The following PRCD variants were observed in gnomAD, a reference collection of about 807,000 sequenced individuals.
PRCD encodes the protein photoreceptor disk component PRCD.
A neutral mutation model predicts 10.1 loss-of-function variants in PRCD; 12 were observed. The ratio of observed to expected loss-of-function variants is 1.18; its 90% confidence interval spans 0.76 to 1.92. The LOEUF is 1.92. PRCD is among the 40% of genes most tolerant of loss of function. The pLI is 0.00. For missense variants in PRCD, 61 were observed against 72.2 expected (o/e 0.84, Z 0.56); for synonymous variants, 31 against 26.2 (o/e 1.18, Z -0.56).
Position 76,528,093 on chromosome 17 carries a change from G to A in PRCD, n.45+260G>A, listed in dbSNP as rs2074788522. Reference sequence around the variant, plus strand: ...CCAAACCGAGGCTTCTGGGCGCCGCGGATACACATTCTAGATATGTATGTG... The same window carrying A: ...CCAAACCGAGGCTTCTGGGCGCCGCAGATACACATTCTAGATATGTATGTG... On this transcript the variant is annotated intron_variant and non_coding_transcript_variant, in intron 1 of 4. Transcript: ENST00000397633. This position sits in a 1 kb window ranked among gnomAD's most constrained non-coding sequence, Gnocchi z 5.8. 1.0e-5 allele frequency: 4 copies of A among 383,400 alleles called. No homozygotes were observed. Among genetic ancestry groups the A allele is most frequent in the Non-Finnish European group, 1.9e-5 (4 of 208,742 alleles). 23.7% of individuals were successfully genotyped at this position (383,400 alleles called of 1,614,324 possible). A position where few individuals can be genotyped will look rare whatever the true frequency, so the allele number is the denominator to read the frequency against.
At chr17:76,551,430 T>C (rs2075107983) in intron 1 of PRCD, 1 of 152,196 alleles carries the variant, frequency 6.6e-6, no homozygotes, top group Admixed American at 6.5e-5. Flanking sequence ...AATGCATCGC[T>C]TTTTTTCCTG....
rs1003660366 is a variant in PRCD, at chr17:76,533,446, C to T, written n.45+5613C>T. On this transcript the variant is annotated intron_variant and non_coding_transcript_variant, in intron 1 of 4. Coordinates refer to the PRCD transcript ENST00000397633. This position sits in a 1 kb window ranked among gnomAD's most constrained non-coding sequence, Gnocchi z 4.5. ...TTGCAATAAAAAATAATGATATGGC[C>T]GGGCACGGTGGCTCACGCCTATAAT... 5.3e-5 allele frequency among the ~76,000 whole-genome samples: 8 copies of T among 152,304 alleles called. No individual in the cohort carries two copies. The South Asian group carries it at 6.2e-4, about 12-fold the overall frequency.
At chr17:76,532,083 T>C (rs1304757317) in intron 1 of PRCD, 1 of 174,136 alleles carries the variant, frequency 5.7e-6, no homozygotes, top group African/African-American at 2.4e-5. Flanking sequence ...TGGACTGAAA[T>C]TGTTCTGACT....
rs776386516 is a variant in PRCD, at chr17:76,540,192, C to A, written c.51C>A (p.Arg17=). 1.9e-6 allele frequency: 3 copies of A among 1,598,116 alleles called. No individual in the cohort carries two copies. In the South Asian group the frequency reaches 3.3e-5, roughly 18 times the overall value. ...GCACCCTGGCCATGCTCTGGCGCCG[C>A]CGATTTGCCAACCGAGTCCAACCGT... ...LLSTLAMLWR[R]RFANRVQPEP... Residue 17 remains arginine (R), a synonymous_variant, in exon 1 of 5, where the codon CGC becomes CGA. Coordinates refer to ENST00000592014, the MANE Select transcript of PRCD (RefSeq NM_001077620.3). This position sits in a 1 kb window ranked among gnomAD's most constrained non-coding sequence, Gnocchi z 5.0.
rs1313348714 is a variant in PRCD at position 76,543,878 on chromosome 17, T to C, written c.*228T>C. 2.1e-6 allele frequency: 1 copy of C among 471,034 alleles called. No homozygotes were observed. Among genetic ancestry groups the C allele is most frequent in the Non-Finnish European group, 4.4e-6 (1 of 227,082 alleles). The allele number at this position is 471,034 out of a possible 1,614,324, so 29.2% of individuals were successfully genotyped here. On this transcript the variant is annotated 3_prime_UTR_variant, in exon 5 of 5. Transcript: ENST00000592014. ...AAATGCCAGTTGGATCTGTGACATG[T>C]CTGCCTGCAGCTGGATGGGAGCAAC...
chr17:76,543,524 A>G lies in PRCD; in HGVS notation c.*153-279A>G, dbSNP rs1041071684. 6 of 349,348 alleles carry G rather than the reference A, an allele frequency of 1.7e-5. No individual in the cohort carries two copies. In the East Asian group the frequency reaches 4.5e-4, roughly 26 times the overall value. 21.6% of individuals were successfully genotyped at this position (349,348 alleles called of 1,614,324 possible). On this transcript the variant is annotated intron_variant, in intron 4 of 4. Transcript: ENST00000592014. ...ATTATCCACAATTTCTAAATGGGGA[A>G]ACACAGAGACAGGTTAAATAATTTG... is the stretch of plus-strand genomic sequence containing the variant.
chr17:76,531,477 C>A lies in PRCD; in HGVS notation n.45+3644C>A. The A allele has an allele frequency of 6.2e-7, 1 of 1,610,892 alleles. No individual in the cohort carries two copies. The highest frequency in any genetic ancestry group is 8.5e-7 in the Non-Finnish European group (1 of 1,177,292). On this transcript the variant is annotated intron_variant and non_coding_transcript_variant, in intron 1 of 4. Coordinates refer to the PRCD transcript ENST00000397633. This position sits in a 1 kb window ranked among gnomAD's most constrained non-coding sequence, Gnocchi z 7.4. ...GCGCATACCTTGAAGTACACCGGTT[C>A]CACCTTGTGCTTGAGGGCGTGGGCT...
Position 76,540,622 on chromosome 17 carries a change from T to C in PRCD, c.143+49T>C. On this transcript the variant is annotated intron_variant, in intron 2 of 4. Transcript: ENST00000592014. The surrounding 1 kb of genome is among the most constrained non-coding windows in gnomAD (Gnocchi z 5.0). ...GGAGGGAGGGTGCTGCCAAGGAAGC[T>C]GTGGCTGTGCATGCCTGGGGGTGCA... 6.3e-7 allele frequency: 1 copy of C among 1,579,774 alleles called. No homozygotes were observed. Among genetic ancestry groups the C allele is most frequent in the South Asian group, 1.1e-5 (1 of 89,952 alleles).
At chr17:76,537,271 G>GA, upstream of PRCD, 1 of 1,112,866 alleles carries the variant, frequency 9.0e-7, no homozygotes, top group Non-Finnish European at 1.2e-6. Context: ...CTGCTCCGCC[G>GA]ACCTCGGACC....
At chr17:76,550,434 G>C (rs2075099041) in intron 1 of PRCD, 1 of 151,632 alleles carries the variant, frequency 6.6e-6, no homozygotes, top group Non-Finnish European at 1.5e-5. Context: ...CTAATTTTTT[G>C]TATTTTTAGT....
chr17:76,537,390 C>A, upstream of PRCD: 1 of 1,583,668 alleles, frequency 6.3e-7, no homozygotes, highest in Non-Finnish European at 8.6e-7. Flanking sequence ...CCGGGCCGGG[C>A]GACACCTACC....
At chr17:76,543,461 A>C (rs1302334393) in intron 4 of PRCD, 4 of 340,754 alleles carry the variant, frequency 1.2e-5, no homozygotes, top group Non-Finnish European at 2.3e-5. Context: ...TTCATTCTGT[A>C]ATTTAATCTT....
chr17:76,545,449 C>T (rs2075045309), downstream of PRCD: 1 of 447,412 alleles, frequency 2.2e-6, no homozygotes, highest in South Asian at 1.6e-5. Context: ...AGCAGGAGTG[C>T]TCAGGGGCTT....
intron 1 of PRCD, chr17:76,550,724 C>T (rs2075101532): frequency 6.6e-6 from 1 of 152,198 alleles, no homozygotes; most frequent in Non-Finnish European, 1.5e-5. Flanking sequence ...GAGTTAGAAA[C>T]AAAACAAGAA....
At chr17:76,547,886 C>T (rs1407506056), downstream of PRCD, among the ~76,000 whole-genome samples, 1 of 150,312 alleles carries the variant, frequency 6.7e-6, no homozygotes, top group Non-Finnish European at 1.5e-5. Context: ...CACACATACA[C>T]ATACACACAG....
At chr17:76,537,443 G>A, upstream of PRCD, 1 of 1,599,018 alleles carries the variant, frequency 6.3e-7, no homozygotes, top group South Asian at 1.1e-5. Flanking sequence ...TTGGCATAGA[G>A]CCGGGCCCAC....
In PRCD at chr17:76,540,949, C is replaced by G. The variant is rs965946585; in HGVS notation, c.143+376C>G. 6.6e-6 allele frequency among the ~76,000 whole-genome samples: 1 copy of G among 152,230 alleles called. No individual in the cohort carries two copies. Among genetic ancestry groups the G allele is most frequent in the African/African-American group, 2.4e-5 (1 of 41,454 alleles). On this transcript the variant is annotated intron_variant, in intron 2 of 4. Transcript: ENST00000592014. This position sits in a 1 kb window ranked among gnomAD's most constrained non-coding sequence, Gnocchi z 5.0. ...CCCCTCCTCCTCCTCTGCCCCCGCC[C>G]TGCCTCAGCTAGGCTGCCTGAGCCT...
chr17:76,547,910 ATT>A (rs2075070239), downstream of PRCD, among the ~76,000 whole-genome samples: 1 of 127,860 alleles, frequency 7.8e-6, no homozygotes, highest in Non-Finnish European at 1.6e-5. Context: ...CACATAACAC[ATT>A]CACACACACA....
chr17:76,536,435 C>T (rs563398690), upstream of PRCD, among the ~76,000 whole-genome samples: 76 of 152,308 alleles, frequency 5.0e-4, no homozygotes, highest in Middle Eastern at 3.4e-3. Context: ...CCGCTTTCCT[C>T]TGCCAAGAAG....
Sources: allele counts gnomAD v4.1 joint callset (sites outside exome capture counted in the v4.1 genomes callset), GRCh38; gene constraint gnomAD v4.1.1; non-coding constraint Gnocchi (gnomAD v3.1); transcripts MANE v1.5; gene names NCBI Gene and HGNC (gene_info 2026-07-23, HGNC 2026-07-21).